TOR1AIP2: variants seen among roughly 807,000 people sequenced by gnomAD.
TOR1AIP2 encodes the protein torsin-1A-interacting protein 2.
In TOR1AIP2, 20 loss-of-function variants were observed where a neutral mutation model predicts 32.6. The observed-to-expected ratio is 0.61, with a 90% CI of 0.43 to 0.89. The LOEUF is 0.89. TOR1AIP2 is among the 40% of genes least tolerant of loss of function. TOR1AIP2 has a pLI of 0.00. For synonymous variants in TOR1AIP2, 214 were observed against 210.8 expected, an observed-to-expected ratio of 1.02 and a Z score of -0.13; for missense variants, 456 against 553.8, an observed-to-expected ratio of 0.82 and a Z score of 1.77.
At position 179,845,339 on chromosome 1, in the gene TOR1AIP2, A is replaced by G. The variant is rs1695861252; in HGVS notation, c.*732T>C. On this transcript the variant is annotated 3_prime_UTR_variant, in exon 7 of 7. Transcript: ENST00000609928. The stretch of plus-strand genomic sequence containing the variant: ...GAAAATCAATGCTGTAAATTGTTCA[A>G]GAAAAGCTGAAGTAAAGATATAGCC... 6.6e-6 allele frequency: 1 copy of G among 152,236 alleles called. No homozygotes were observed. The highest frequency in any genetic ancestry group is 1.5e-5 in the Non-Finnish European group (1 of 68,028). 9.4% of individuals were successfully genotyped at this position (152,236 alleles called of 1,614,324 possible). A position where few individuals can be genotyped will look rare whatever the true frequency, so the allele number is the denominator to read the frequency against.
intron 1 of TOR1AIP2, 116 bp from the exon 2 acceptor site, chr1:179,877,489 G>A (rs556336039): frequency 5.3e-5 from 8 of 151,960 alleles, no homozygotes; most frequent in African/African-American, 1.7e-4. Context: ...TGAGGCTGTG[G>A]TGAGCTATGA....
At chr1:179,867,744 T>C (rs1696841074) in intron 2 of TOR1AIP2, 2 of 152,282 alleles carry the variant, frequency 1.3e-5, no homozygotes, top group East Asian at 1.9e-4. Context: ...AAGCTCCAAG[T>C]GCTCAGAATA....
Position 179,864,883 on chromosome 1 carries a change from T to G in TOR1AIP2, c.-147+553A>C, listed in dbSNP as rs751934772. On this transcript the variant is annotated intron_variant, in intron 3 of 6. Coordinates refer to ENST00000609928, the MANE Select transcript of TOR1AIP2 (RefSeq NM_001199260.2). ...CAGCTACTCGAGAGTCATGTATTCTTTTTCTAACCAGTGGAGGACCCAGAA... is the reference window on the plus strand; with the variant it reads ...CAGCTACTCGAGAGTCATGTATTCTGTTTCTAACCAGTGGAGGACCCAGAA... 3.1e-6 allele frequency: 5 copies of G among 1,614,042 alleles called. No homozygotes were observed. The East Asian group carries it at 1.1e-4, about 36-fold the overall frequency.
chr1:179,858,052 A>G (rs1696372991), intron 3 of TOR1AIP2, among the ~76,000 whole-genome samples: 1 of 151,996 alleles, frequency 6.6e-6, no homozygotes, highest in Non-Finnish European at 1.5e-5. Context: ...GCTACTCAGG[A>G]GGCTAAGGAG....
chr1:179,855,727 C>CTT (rs1696273787), intron 3 of TOR1AIP2, among the ~76,000 whole-genome samples: 2 of 152,090 alleles, frequency 1.3e-5, no homozygotes, highest in South Asian at 4.1e-4. Flanking sequence ...CCAAAATGTC[C>CTT]ATTGCTGTAT....
In TOR1AIP2 at chr1:179,865,632, T is replaced by C. The variant is rs1696737411; in HGVS notation, c.-343A>G. 6.4e-6 allele frequency: 1 copy of C among 156,576 alleles called. No homozygotes were observed. Among genetic ancestry groups the C allele is most frequent in the Non-Finnish European group, 1.4e-5 (1 of 71,058 alleles). The allele number at this position is 156,576 out of a possible 1,614,324, so 9.7% of individuals were successfully genotyped here. On this transcript the variant is annotated 5_prime_UTR_variant, in exon 3 of 7. Transcript: ENST00000609928. The stretch of plus-strand genomic sequence containing the variant: ...GAAACAGAGGAGCTGACAGGTCCAA[T>C]GGGTCTTTTGTTGGCGCTGGCACTC...
Position 179,840,895 on chromosome 1 carries a change from A to AATAATAATAATAATAAT in TOR1AIP2, c.*5159_*5175dup, listed in dbSNP as rs1553233707. 6.0e-5 allele frequency: 8 copies of AATAATAATAATAATAAT among 132,384 alleles called. No individual in the cohort carries two copies. The highest frequency in any genetic ancestry group is 2.0e-4 in the African/African-American group (8 of 39,282). 8.2% of individuals were successfully genotyped at this position (132,384 alleles called of 1,614,324 possible). A position where few individuals can be genotyped will look rare whatever the true frequency, so the allele number is the denominator to read the frequency against. On this transcript the variant is annotated 3_prime_UTR_variant, in exon 7 of 7. Transcript: ENST00000609928. The stretch of plus-strand genomic sequence containing the variant: ...TGTATCCCAGAACTTAAACTATAAT[A>AATAATAATAATAATAAT]ATAATAATAATAATAATAATAAAGA...
At chr1:179,860,690 G>A (rs1164336661) in intron 3 of TOR1AIP2, 5 of 983,866 alleles carry the variant, frequency 5.1e-6, no homozygotes, top group East Asian at 2.3e-4. Context: ...GATACAGAGA[G>A]GTTAAAATGC....
chr1:179,853,563 G>A (rs1284305683), intron 3 of TOR1AIP2, among the ~76,000 whole-genome samples: 1 of 152,058 alleles, frequency 6.6e-6, no homozygotes, highest in Non-Finnish European at 1.5e-5. Flanking sequence ...TGAGAATAAT[G>A]ATATCTATGA....
intron 2 of TOR1AIP2, among the ~76,000 whole-genome samples, chr1:179,873,422 T>A (rs1028736112): frequency 6.6e-6 from 1 of 152,224 alleles, no homozygotes; most frequent in South Asian, 2.1e-4. Context: ...TTGGCAAGAA[T>A]AACAAACGTC....
Position 179,851,026 on chromosome 1 carries a change from C to G in TOR1AIP2, c.372G>C (p.Lys124Asn). The G allele has an allele frequency of 1.2e-6, 2 of 1,614,194 alleles. No homozygotes were observed. The highest frequency in any genetic ancestry group is 1.3e-5 in the African/African-American group (1 of 75,052). The part of the protein sequence containing the change: ...DPDPSHSPSD[K>N]VGRADAHLGS... The stretch of plus-strand genomic sequence containing the variant: ...CTAAGTGTGCATCTGCTCTTCCTAC[C>G]TTGTCACTTGGAGAATGGCTGGGAT... The change falls in exon 5 of 7, where the codon AAG (lysine) becomes AAC (asparagine). Residue 124 changes from lysine to asparagine, a missense_variant. Transcript: ENST00000609928.
intron 2 of TOR1AIP2, among the ~76,000 whole-genome samples, chr1:179,872,142 C>G (rs1043529681): frequency 1.3e-5 from 2 of 152,198 alleles, no homozygotes; most frequent in South Asian, 2.1e-4. Context: ...GCCCCAGGAA[C>G]TGACAAACGA....
intron 2 of TOR1AIP2, chr1:179,874,364 T>G (rs1457050100): frequency 6.6e-6 from 1 of 152,206 alleles, no homozygotes; most frequent in Non-Finnish European, 1.5e-5. Flanking sequence ...CAGTAAGCCA[T>G]GATAGTGCCA....
intron 2 of TOR1AIP2, chr1:179,874,689 G>A (rs1249108814): frequency 1.3e-5 from 2 of 152,192 alleles, no homozygotes; most frequent in Non-Finnish European, 2.9e-5. Flanking sequence ...CTTGAGACTG[G>A]GAGGTCAAGG....
intron 3 of TOR1AIP2, chr1:179,864,115 A>G (rs2148447322): frequency 1.0e-6 from 1 of 985,450 alleles, no homozygotes; most frequent in Non-Finnish European, 1.2e-6. Context: ...GACAGGTGGC[A>G]TTTCTGCATG....
At chr1:179,859,346 G>C in intron 3 of TOR1AIP2, 1 of 938,112 alleles carries the variant, frequency 1.1e-6, no homozygotes, top group Non-Finnish European at 1.3e-6. Context: ...GAAAAGTTAA[G>C]AACGTTACCC....
intron 1 of TOR1AIP2, 36 bp downstream of exon 1, chr1:179,877,657 A>T (rs1273179420): frequency 6.6e-6 from 1 of 152,250 alleles, no homozygotes; most frequent in African/African-American, 2.4e-5. Flanking sequence ...CAATACTAAA[A>T]CATGGAAAAG....
rs1695689702 is a variant in TOR1AIP2 at position 179,840,585 on chromosome 1, G to A, written c.*5486C>T. 1 of 152,154 alleles carries A rather than the reference G, an allele frequency of 6.6e-6. No individual in the cohort carries two copies. The highest frequency in any genetic ancestry group is 1.5e-5 in the Non-Finnish European group (1 of 68,030). The allele number at this position is 152,154 out of a possible 1,614,324, so 9.4% of individuals were successfully genotyped here. On this transcript the variant is annotated 3_prime_UTR_variant, in exon 7 of 7. Coordinates refer to ENST00000609928, the MANE Select transcript of TOR1AIP2 (RefSeq NM_001199260.2). ...GTATTTACCTTTTTGCAGATTAGGGGATACTGATTATGTTCTCAGGCCATT... is the reference window on the plus strand; with the variant it reads ...GTATTTACCTTTTTGCAGATTAGGGAATACTGATTATGTTCTCAGGCCATT...
chr1:179,864,501 A>C, intron 3 of TOR1AIP2: 1 of 1,123,930 alleles, frequency 8.9e-7, no homozygotes. Flanking sequence ...AAATTTTTTT[A>C]GGAGTGGTAA....
Sources: gnomAD v4.1 joint callset for allele counts (sites outside exome capture counted in the v4.1 genomes callset) on GRCh38, gnomAD v4.1.1 for gene constraint, MANE v1.5 for transcripts, NCBI Gene and HGNC (gene_info 2026-07-23, HGNC 2026-07-21) for gene names.